XYLT1: variants seen among roughly 807,000 people sequenced by gnomAD.
XYLT1 encodes the protein xylosyltransferase 1.
In XYLT1, 36 loss-of-function variants were observed where a neutral mutation model predicts 91.3. The ratio of observed to expected loss-of-function variants is 0.39; its 90% CI spans 0.30 to 0.52. XYLT1 has a LOEUF of 0.52. XYLT1 is among the 20% of genes least tolerant of loss of function. XYLT1 has a pLI of 0.68. For missense variants in XYLT1, 1,242 were observed against 1,284.5 expected, an observed-to-expected ratio of 0.97 and a Z score of 0.51; for synonymous variants, 588 against 532.0, an observed-to-expected ratio of 1.11 and a Z score of -1.45.
chr16:17,135,030 A>T (rs1234120613), intron 8 of XYLT1, among the ~76,000 whole-genome samples: 1 of 152,228 alleles, frequency 6.6e-6, no homozygotes, highest in African/African-American at 2.4e-5. Context: ...AGATGGTAAT[A>T]GCTGGGATGG....
chr16:17,115,415 T>C (rs1461617698), intron 11 of XYLT1, among the ~76,000 whole-genome samples: 1 of 148,154 alleles, frequency 6.7e-6, no homozygotes, highest in Non-Finnish European at 1.5e-5. Flanking sequence ...GCCCAGGAGC[T>C]CGAGGCTGCA....
intron 2 of XYLT1, among the ~76,000 whole-genome samples, chr16:17,269,818 T>TATTATTATTATTATC (rs1361680760): frequency 4.7e-5 from 7 of 149,662 alleles, no homozygotes; most frequent in Non-Finnish European, 8.9e-5. Flanking sequence ...TTATTATTAT[T>TATTATTATTATTATC]ATCATTATTT....
chr16:17,210,364 G>A (rs2032734309), intron 3 of XYLT1, among the ~76,000 whole-genome samples: 1 of 152,104 alleles, frequency 6.6e-6, no homozygotes, highest in African/African-American at 2.4e-5. Context: ...GGATAACAAG[G>A]TCAAGAGTTT....
At chr16:17,109,134 A>G (rs1212001845) in intron 11 of XYLT1, 117 bp from the exon 12 acceptor site, 2 of 1,051,012 alleles carry the variant, frequency 1.9e-6, no homozygotes, top group African/African-American at 3.2e-5. Flanking sequence ...TTTAATTCAC[A>G]TGACAATCTC....
chr16:17,277,773 TC>T (rs2033999656), intron 2 of XYLT1, among the ~76,000 whole-genome samples: 1 of 152,186 alleles, frequency 6.6e-6, no homozygotes, highest in African/African-American at 2.4e-5. Flanking sequence ...AGTCTTCTGT[TC>T]CTGCGTCATT....
At chr16:17,357,695 G>C (rs2035321167) in intron 2 of XYLT1, among the ~76,000 whole-genome samples, 1 of 152,170 alleles carries the variant, frequency 6.6e-6, no homozygotes, top group African/African-American at 2.4e-5. Context: ...TCTCTCCTTT[G>C]CATGAACCTC....
At chr16:17,185,321 C>T (rs186028724) in intron 5 of XYLT1, among the ~76,000 whole-genome samples, 2 of 152,358 alleles carry the variant, frequency 1.3e-5, no homozygotes, top group East Asian at 3.9e-4. Context: ...CATGTTTTTC[C>T]AGTCTCCTTG....
chr16:17,198,287 A>G lies in XYLT1; in HGVS notation c.1214T>C (p.Met405Thr), dbSNP rs771858086. The G allele has an allele frequency of 3.1e-6, 5 of 1,614,066 alleles. No homozygotes were observed. Among genetic ancestry groups the G allele is most frequent in the Non-Finnish European group, 4.2e-6 (5 of 1,180,038 alleles). The stretch of plus-strand genomic sequence containing the variant: ...GTCGGTCATCTCCAGGAGGTCCCGC[A>G]TGCTCTGCAGGTAGGTGGACAGGAG... ...ASLLSTYLQS[M>T]RDLLEMTDWP... The change falls in exon 5 of 12, where the codon ATG becomes ACG. Residue 405 changes from methionine (M) to threonine (T), a missense_variant. Coordinates refer to ENST00000261381, the MANE Select transcript of XYLT1 (RefSeq NM_022166.4).
At chr16:17,163,738 C>A (rs1421747525) in intron 5 of XYLT1, among the ~76,000 whole-genome samples, 1 of 152,076 alleles carries the variant, frequency 6.6e-6, no homozygotes, top group Non-Finnish European at 1.5e-5. Flanking sequence ...AATGAACGAC[C>A]CATTGTGGGG....
intron 3 of XYLT1, chr16:17,227,045 A>C (rs1157760318): frequency 6.6e-6 from 1 of 152,248 alleles, no homozygotes; most frequent in Admixed American, 6.5e-5. Flanking sequence ...TATTTATTCC[A>C]TCACCCATTT....
chr16:17,112,858 G>C (rs566239117), intron 11 of XYLT1, among the ~76,000 whole-genome samples: 4 of 152,182 alleles, frequency 2.6e-5, no homozygotes, highest in Non-Finnish European at 5.9e-5. Context: ...TTCTTTTTTT[G>C]AGACGGAGTC....
intron 2 of XYLT1, among the ~76,000 whole-genome samples, chr16:17,343,418 G>A (rs1424419873): frequency 6.6e-6 from 1 of 152,164 alleles, no homozygotes; most frequent in Admixed American, 6.5e-5. Context: ...GTGAGCTGGA[G>A]GCCCTACATC....
intron 1 of XYLT1, among the ~76,000 whole-genome samples, chr16:17,467,507 C>A (rs1320067372): frequency 6.6e-6 from 1 of 152,096 alleles, no homozygotes; most frequent in Non-Finnish European, 1.5e-5. Context: ...GCAATCCACC[C>A]AATAATTCTA....
At chr16:17,415,848 G>C (rs147619016) in intron 1 of XYLT1, among the ~76,000 whole-genome samples, 5 of 152,220 alleles carry the variant, frequency 3.3e-5, no homozygotes, top group African/African-American at 1.2e-4. Context: ...TTGAATAAAG[G>C]GTGTAATCAT....
intron 6 of XYLT1, among the ~76,000 whole-genome samples, chr16:17,156,313 G>A (rs2031406335): frequency 6.6e-6 from 1 of 152,236 alleles, no homozygotes; most frequent in Non-Finnish European, 1.5e-5. Context: ...TAGGGTGGAT[G>A]TAATTCACAC....
chr16:17,242,584 G>A (rs1247976778), intron 3 of XYLT1, among the ~76,000 whole-genome samples: 1 of 152,150 alleles, frequency 6.6e-6, no homozygotes, highest in African/African-American at 2.4e-5. Flanking sequence ...ATTTAAATGA[G>A]GCAATGCATG....
intron 2 of XYLT1, among the ~76,000 whole-genome samples, chr16:17,287,490 G>A (rs528234961): frequency 6.6e-6 from 1 of 152,270 alleles, no homozygotes; most frequent in African/African-American, 2.4e-5. Flanking sequence ...TACCGCATGT[G>A]GCCAAATCTC....
At chr16:17,428,682 C>T (rs2036349265) in intron 1 of XYLT1, among the ~76,000 whole-genome samples, 2 of 152,208 alleles carry the variant, frequency 1.3e-5, no homozygotes, top group Non-Finnish European at 2.9e-5. Flanking sequence ...CAACTGACAT[C>T]CCCTTGCCGC....
At chr16:17,385,217 A>C (rs944027799) in intron 1 of XYLT1, among the ~76,000 whole-genome samples, 3 of 151,292 alleles carry the variant, frequency 2.0e-5, no homozygotes, top group African/African-American at 7.3e-5. Flanking sequence ...TGAACCTAGT[A>C]AATAGAGGCC....
Sources: allele counts gnomAD v4.1 joint callset (sites outside exome capture counted in the v4.1 genomes callset), GRCh38; gene constraint gnomAD v4.1.1; transcripts MANE v1.5; gene names NCBI Gene and HGNC (gene_info 2026-07-23, HGNC 2026-07-21).